The following SUCO variants were observed in gnomAD, a reference collection of about 807,000 sequenced individuals.
SUCO encodes SUN domain-containing ossification factor.
Under a neutral mutation model 148.1 loss-of-function variants are expected in SUCO, and 57 were observed. The observed-to-expected ratio is 0.38, with a 90% CI of 0.31 to 0.48. The LOEUF (loss-of-function observed/expected upper bound fraction) is 0.48. Ranked by LOEUF, SUCO falls within the 20% of genes least tolerant of loss-of-function variation. The probability of loss-of-function intolerance (pLI) is 0.96; values close to 1 mark genes in which losing one functional copy is unlikely to be tolerated. For synonymous variants in SUCO, 470 were observed against 502.7 expected (o/e 0.93, Z 0.87); for missense variants, 1,331 against 1,468.2 (o/e 0.91, Z 1.53).
intron 2 of SUCO, among the ~76,000 whole-genome samples, chr1:172,552,419 A>C (rs1653370728): frequency 6.6e-6 from 1 of 151,928 alleles, no homozygotes; most frequent in African/African-American, 2.4e-5. Flanking sequence ...GAATGGCTGC[A>C]TTTTAATCTT....
At chr1:172,533,841 G>A (rs1651809227) in intron 1 of SUCO, among the ~76,000 whole-genome samples, 1 of 152,172 alleles carries the variant, frequency 6.6e-6, no homozygotes, top group Admixed American at 6.5e-5. Flanking sequence ...AAGTTGCTCC[G>A]ATTTGCCGCC....
At chr1:172,570,289 A>G (rs1476301417) in intron 8 of SUCO, 118 bp downstream of exon 8, 4 of 574,524 alleles carry the variant, frequency 7.0e-6, no homozygotes, top group South Asian at 8.4e-5. Context: ...ATTCACTAAT[A>G]AAAGCAGAAT....
intron 11 of SUCO, 141 bp downstream of exon 11, chr1:172,575,764 G>T (rs73034039): frequency 6.1e-6 from 3 of 494,404 alleles, no homozygotes; most frequent in East Asian, 3.4e-5. Flanking sequence ...TCTTACTTGG[G>T]TATATTATTT....
chr1:172,540,267 G>T (rs1032341467), intron 1 of SUCO, among the ~76,000 whole-genome samples: 12 of 152,138 alleles, frequency 7.9e-5, no homozygotes, highest in Admixed American at 3.9e-4. Context: ...AGATGGTCTT[G>T]GGCAAGTTTC....
chr1:172,606,158 G>A (rs77191080), intron 22 of SUCO, among the ~76,000 whole-genome samples: 10,042 of 151,382 alleles, frequency 0.066, 498 homozygotes, highest in Middle Eastern at 0.11. Context: ...ACATAATTTT[G>A]TTAGATAATT....
chr1:172,600,219 C>A, intron 20 of SUCO, 51 bp downstream of exon 20: 3 of 1,282,082 alleles, frequency 2.3e-6, no homozygotes, highest in Non-Finnish European at 2.2e-6. Context: ...TAGAGGTTGT[C>A]ATAAAGCCAG....
intron 1 of SUCO, among the ~76,000 whole-genome samples, chr1:172,545,792 C>T (rs1417888088): frequency 3.3e-5 from 5 of 152,182 alleles, no homozygotes. Context: ...CCAGGCTAAG[C>T]ATAGCATATA....
chr1:172,540,168 A>G (rs1364209548), intron 1 of SUCO, among the ~76,000 whole-genome samples: 2 of 152,260 alleles, frequency 1.3e-5, no homozygotes, highest in African/African-American at 2.4e-5. Context: ...AAGTTCTTAC[A>G]GCCAGGAAGC....
intron 22 of SUCO, chr1:172,608,511 T>C: frequency 2.0e-6 from 1 of 512,484 alleles, no homozygotes; most frequent in Non-Finnish European, 3.4e-6. Flanking sequence ...TAAGGAAGTA[T>C]AGTTATTTGA....
At chr1:172,557,894 C>A in intron 6 of SUCO, 100 bp downstream of exon 6, 1 of 958,782 alleles carries the variant, frequency 1.0e-6, no homozygotes, top group Non-Finnish European at 1.5e-6. Flanking sequence ...GTCATAAAAT[C>A]AGGGAGATTA....
At position 172,596,667 on chromosome 1, in the gene SUCO, C is replaced by T. The variant is rs190391116; in HGVS notation, c.2914-3397C>T. ...TGAAAGCTTTGTCTCAGAGGGGCAC[C>T]CGGCCCCATATGAGGTGTCAGTTGG... On this transcript the variant is annotated intron_variant, in intron 19 of 23. Transcript: ENST00000263688. Among the ~76,000 whole-genome samples, 120 of 152,270 alleles carry T rather than the reference C, an allele frequency of 7.9e-4. 2 individuals are homozygous for T. Among genetic ancestry groups the T allele is most frequent in the Non-Finnish European group, 6.8e-4 (46 of 68,018 alleles).
chr1:172,589,465 G>C lies in SUCO; in HGVS notation c.2364G>C (p.Glu788Asp). ...EQKSESFSSI[E>D]KPSITYETNK... ...AGTCTGAGAGCTTTAGTTCTATAGAGAAACCATCTATTACCTATGAAACAA... is the reference window on the plus strand; with the variant it reads ...AGTCTGAGAGCTTTAGTTCTATAGACAAACCATCTATTACCTATGAAACAA... Residue 788 changes from glutamate (E) to aspartate (D), a missense_variant, in exon 18 of 24, where the codon GAG (glutamate) becomes GAC (aspartate). Glu to Asp is a conservative substitution (Grantham distance 45, BLOSUM62 2). Around this residue, in one of 3 missense-constraint regions of SUCO, gnomAD observed 992 missense variants for 1,093.5 expected, o/e 0.91. Transcript: ENST00000263688. The C allele has an allele frequency of 6.2e-7, 1 of 1,611,186 alleles. No individual in the cohort carries two copies.
At chr1:172,575,658 T>C (rs373376449) in intron 11 of SUCO, 35 bp downstream of exon 11, 6 of 1,421,600 alleles carry the variant, frequency 4.2e-6, no homozygotes, top group Non-Finnish European at 5.9e-6. Flanking sequence ...TGTTCTATAA[T>C]GAAAATATAC....
chr1:172,578,419 G>A (rs776894761), intron 14 of SUCO, 30 bp downstream of exon 14: 3 of 1,584,296 alleles, frequency 1.9e-6, no homozygotes, highest in East Asian at 4.5e-5. Context: ...TGACTGTTAG[G>A]TATATTTTTT....
rs1571245082 is a variant in SUCO at position 172,578,168 on chromosome 1, A to G, written c.1341-130A>G. On this transcript the variant is annotated intron_variant, in intron 13 of 23. Transcript: ENST00000263688. ...GATGACTTAAATGTAAGGAGCAGCC[A>G]TTATTTTTGAGTCCAAAAGCCAGTG... The G allele has an allele frequency of 7.4e-5, 51 of 687,612 alleles. No homozygotes were observed. In the East Asian group the frequency reaches 1.4e-3, roughly 19 times the overall value. The allele number at this position is 687,612 out of a possible 1,614,324, so 42.6% of individuals were successfully genotyped here.
At chr1:172,574,211 T>A (rs1215296251) in intron 10 of SUCO, among the ~76,000 whole-genome samples, 1 of 152,090 alleles carries the variant, frequency 6.6e-6, no homozygotes, top group East Asian at 1.9e-4. Context: ...CATAACCATA[T>A]GATATTATTC....
chr1:172,592,889 T>C lies in SUCO; in HGVS notation c.2913+1818T>C, dbSNP rs192943221. ...GGGCAGTATGGCCATTTTCACGATA[T>C]TGGTTCTTCCTACCCATGAACATGG... On this transcript the variant is annotated intron_variant, in intron 19 of 23. Coordinates refer to ENST00000263688, the MANE Select transcript of SUCO (RefSeq NM_014283.5). Among the ~76,000 whole-genome samples the C allele has an allele frequency of 2.0e-5, 3 of 152,326 alleles. No homozygotes were observed. In the East Asian group the frequency reaches 5.8e-4, roughly 29 times the overall value.
Position 172,542,714 on chromosome 1 carries a change from A to G in SUCO, c.63-8798A>G, listed in dbSNP as rs1005965304. 3.5e-5 allele frequency: 34 copies of G among 985,382 alleles called. No individual in the cohort carries two copies. In the African/African-American group the frequency reaches 5.2e-4, roughly 15 times the overall value. 61.0% of individuals were successfully genotyped at this position (985,382 alleles called of 1,614,324 possible). A position where few individuals can be genotyped will look rare whatever the true frequency, so the allele number is the denominator to read the frequency against. On this transcript the variant is annotated intron_variant, in intron 1 of 23. Coordinates refer to ENST00000263688, the MANE Select transcript of SUCO (RefSeq NM_014283.5). ...GGTCTCTGGTGCCAAAAGGTTGGGG[A>G]CCGCTGTCATAGAGGGAATCATTTT...
chr1:172,571,204 G>A (rs1481030035), intron 9 of SUCO, among the ~76,000 whole-genome samples: 2 of 152,246 alleles, frequency 1.3e-5, no homozygotes, highest in African/African-American at 4.8e-5. Flanking sequence ...GATTGCAGGC[G>A]CGCGCCACCA....
Sources: gnomAD v4.1 joint callset for allele counts (sites outside exome capture counted in the v4.1 genomes callset) on GRCh38, gnomAD v4.1.1 for gene constraint, gnomAD v4.1.1 regional missense constraint, MANE v1.5 for transcripts, NCBI Gene and HGNC (gene_info 2026-07-23, HGNC 2026-07-21) for gene names.